The following CTNNA3 variants were observed in gnomAD, a reference collection of about 807,000 sequenced individuals.
The protein encoded by CTNNA3 is catenin alpha 3, also known as catenin alpha-3.
A neutral mutation model predicts 95.7 loss-of-function variants in CTNNA3; 76 were observed. The ratio of observed to expected loss-of-function variants is 0.79; its 90% confidence interval spans 0.66 to 0.96. CTNNA3 has a LOEUF of 0.96. Among genes scored for constraint, CTNNA3 ranks in the 40% least tolerant of loss-of-function variants. CTNNA3 has a pLI of 0.00. For synonymous variants in CTNNA3, 431 were observed against 374.4 expected, an observed-to-expected ratio of 1.15 and a Z score of -1.74; for missense variants, 1,191 against 1,089.8, an observed-to-expected ratio of 1.09 and a Z score of -1.31.
At chr10:66,242,509 T>TA (rs1215370800) in intron 13 of CTNNA3, among the ~76,000 whole-genome samples, 1 of 151,940 alleles carries the variant, frequency 6.6e-6, no homozygotes, top group Non-Finnish European at 1.5e-5. Context: ...AAATTATTGA[T>TA]AAAAAAATAA....
chr10:67,546,064 G>A (rs965173067), intron 3 of CTNNA3, among the ~76,000 whole-genome samples: 5 of 152,054 alleles, frequency 3.3e-5, no homozygotes, highest in Non-Finnish European at 5.9e-5. Context: ...CATCTCTTCA[G>A]AATTTCAAAG....
chr10:67,028,771 C>A (rs1260148840), intron 7 of CTNNA3, among the ~76,000 whole-genome samples: 2 of 152,018 alleles, frequency 1.3e-5, no homozygotes, highest in Non-Finnish European at 2.9e-5. Context: ...CTAGTGAAGT[C>A]ATTTTAGCAT....
intron 15 of CTNNA3, among the ~76,000 whole-genome samples, chr10:66,057,140 C>A (rs139951620): frequency 6.6e-6 from 1 of 152,228 alleles, no homozygotes; most frequent in African/African-American, 2.4e-5. Context: ...TTTTCCCTGC[C>A]TGTTTTTGAG....
At chr10:67,249,375 G>C (rs1158677241) in intron 5 of CTNNA3, among the ~76,000 whole-genome samples, 1 of 152,116 alleles carries the variant, frequency 6.6e-6, no homozygotes, top group African/African-American at 2.4e-5. Context: ...TGATCTTCAA[G>C]TTCTTAACAT....
At chr10:66,179,595 A>G (rs1011439482) in intron 13 of CTNNA3, among the ~76,000 whole-genome samples, 1 of 152,168 alleles carries the variant, frequency 6.6e-6, no homozygotes, top group Non-Finnish European at 1.5e-5. Context: ...CTACTTAAAG[A>G]TAAATGGCTA....
At chr10:66,914,952 A>G (rs539764856) in intron 7 of CTNNA3, among the ~76,000 whole-genome samples, 2 of 152,330 alleles carry the variant, frequency 1.3e-5, no homozygotes, top group South Asian at 2.1e-4. Flanking sequence ...TAAATAAAAG[A>G]TTGGATCATA....
intron 5 of CTNNA3, among the ~76,000 whole-genome samples, chr10:67,265,767 T>C (rs1426599729): frequency 2.6e-5 from 4 of 152,116 alleles, no homozygotes; most frequent in Admixed American, 2.6e-4. Context: ...TCAGCCTCTA[T>C]CTCTTCATGT....
intron 13 of CTNNA3, among the ~76,000 whole-genome samples, chr10:66,247,502 C>T (rs2090383592): frequency 6.6e-6 from 1 of 152,122 alleles, no homozygotes; most frequent in African/African-American, 2.4e-5. Flanking sequence ...GGTTATAGAA[C>T]ACCATGCAGC....
At chr10:66,172,699 G>A (rs983767078) in intron 13 of CTNNA3, among the ~76,000 whole-genome samples, 1 of 152,102 alleles carries the variant, frequency 6.6e-6, no homozygotes, top group Admixed American at 6.6e-5. Flanking sequence ...TTCATATACA[G>A]TGAAGAAGAA....
At chr10:67,337,633 A>G (rs144988734) in intron 5 of CTNNA3, among the ~76,000 whole-genome samples, 2 of 152,300 alleles carry the variant, frequency 1.3e-5, no homozygotes, top group East Asian at 3.9e-4. Context: ...TCATTAAAGT[A>G]ACAGCCAATT....
chr10:67,676,409 G>A (rs1840535595), intron 1 of CTNNA3, among the ~76,000 whole-genome samples: 1 of 152,190 alleles, frequency 6.6e-6, no homozygotes, highest in Non-Finnish European at 1.5e-5. Context: ...AAATATATGT[G>A]TATATGTGGT....
chr10:66,885,675 T>C (rs1916375), intron 7 of CTNNA3, among the ~76,000 whole-genome samples: 42,469 of 152,056 alleles, frequency 0.28, 6,666 homozygotes, highest in Non-Finnish European at 0.36. Flanking sequence ...TAGACCAAGA[T>C]AAGGTTGTAT....
intron 13 of CTNNA3, among the ~76,000 whole-genome samples, chr10:66,116,895 C>T (rs190906598): frequency 3.9e-5 from 6 of 152,216 alleles, no homozygotes; most frequent in African/African-American, 7.2e-5. Flanking sequence ...TTCACTATCA[C>T]GAGAACAGCA....
intron 13 of CTNNA3, among the ~76,000 whole-genome samples, chr10:66,113,668 T>C (rs1036555384): frequency 1.3e-5 from 2 of 152,226 alleles, no homozygotes; most frequent in African/African-American, 2.4e-5. Flanking sequence ...AATTTTATGA[T>C]AGGTTTAGCA....
At chr10:67,712,638 A>C (rs1841118471) in intron 1 of CTNNA3, among the ~76,000 whole-genome samples, 1 of 152,230 alleles carries the variant, frequency 6.6e-6, no homozygotes, top group South Asian at 2.1e-4. Context: ...AAGTGCAGAG[A>C]AGTCAAGAAT....
intron 7 of CTNNA3, among the ~76,000 whole-genome samples, chr10:66,931,897 A>C (rs1847418919): frequency 1.3e-5 from 2 of 152,234 alleles, no homozygotes; most frequent in Non-Finnish European, 2.9e-5. Context: ...TATTTTTATT[A>C]AAGGGGTTAA....
rs1436610367 is a variant in CTNNA3 at position 67,499,131 on chromosome 10, G to C, written c.579+22711C>G. 2.0e-5 allele frequency among the ~76,000 whole-genome samples: 3 copies of C among 152,158 alleles called. No homozygotes were observed. The East Asian group carries it at 5.8e-4, about 29-fold the overall frequency. ...TCCATCAATACCTAGTTTATTGAGA[G>C]TTATTAGCATGAAGCGGTGTTGAAT... On this transcript the variant is annotated intron_variant, in intron 5 of 17. Coordinates refer to ENST00000433211, the MANE Select transcript of CTNNA3 (RefSeq NM_013266.4).
chr10:67,313,440 A>T (rs562797126), intron 5 of CTNNA3, among the ~76,000 whole-genome samples: 469 of 151,654 alleles, frequency 3.1e-3, no homozygotes, highest in East Asian at 0.013. Flanking sequence ...TCAAAAAAAA[A>T]AAAAATAATA....
intron 17 of CTNNA3, among the ~76,000 whole-genome samples, chr10:65,944,054 CTAGGAATTGTTGCTAAAG>C (rs1423267812): frequency 6.6e-6 from 1 of 152,162 alleles, no homozygotes; most frequent in African/African-American, 2.4e-5. Context: ...ATAAATGTCC[CTAGGAATTGTTGCTAAAG>C]CAAAATCCTT....
Sources: gnomAD v4.1 joint callset for allele counts (sites outside exome capture counted in the v4.1 genomes callset) on GRCh38, gnomAD v4.1.1 for gene constraint, MANE v1.5 for transcripts, NCBI Gene and HGNC (gene_info 2026-07-23, HGNC 2026-07-21) for gene names.